The following GRID1 variants were observed in gnomAD, a reference collection of about 807,000 sequenced individuals.
GRID1 encodes the protein glutamate receptor ionotropic, delta-1.
In GRID1, 28 loss-of-function variants were observed where a neutral mutation model predicts 98.0. The observed-to-expected ratio is 0.29, with a 90% confidence interval of 0.21 to 0.39. The LOEUF (loss-of-function observed/expected upper bound fraction) is 0.39, where lower values mean the gene tolerates loss of function less well. GRID1 is among the 10% of genes least tolerant of loss of function. The pLI is 1.00. For missense variants in GRID1, 1,111 were observed against 1,340.5 expected, an observed-to-expected ratio of 0.83 and a Z score of 2.67; for synonymous variants, 553 against 538.5, an observed-to-expected ratio of 1.03 and a Z score of -0.37.
chr10:86,223,948 C>T (rs1313483960), intron 2 of GRID1, among the ~76,000 whole-genome samples: 2 of 151,900 alleles, frequency 1.3e-5, no homozygotes, highest in Non-Finnish European at 2.9e-5. Flanking sequence ...GATGATAGAC[C>T]AAGGACCAGC....
chr10:85,708,129 A>C (rs1379721661), intron 12 of GRID1, among the ~76,000 whole-genome samples: 3 of 113,556 alleles, frequency 2.6e-5, no homozygotes, highest in South Asian at 6.8e-4. Flanking sequence ...AAAAAAAAAA[A>C]AACACAAGAT....
chr10:86,022,904 C>A (rs1485659095), intron 4 of GRID1, among the ~76,000 whole-genome samples: 15 of 146,914 alleles, frequency 1.0e-4, no homozygotes, highest in African/African-American at 3.3e-4. Context: ...GGTGACAGAG[C>A]GAGACTCCAT....
intron 3 of GRID1, among the ~76,000 whole-genome samples, chr10:86,168,151 C>T (rs141725406): frequency 6.6e-6 from 1 of 152,246 alleles, no homozygotes. Context: ...ATGAGTGGAC[C>T]TCCATTCCCT....
At chr10:85,849,889 AC>A (rs980621672) in intron 8 of GRID1, among the ~76,000 whole-genome samples, 24 of 151,900 alleles carry the variant, frequency 1.6e-4, no homozygotes, top group African/African-American at 5.1e-4. Flanking sequence ...GTAAAGCTTG[AC>A]CCCCTGGACA....
At chr10:85,956,433 T>C (rs1229755644) in intron 4 of GRID1, among the ~76,000 whole-genome samples, 1 of 152,250 alleles carries the variant, frequency 6.6e-6, no homozygotes. Flanking sequence ...TTTATGAGGA[T>C]ATTTCCAACT....
chr10:86,066,452 C>A (rs1843721817), intron 4 of GRID1, among the ~76,000 whole-genome samples: 1 of 152,184 alleles, frequency 6.6e-6, no homozygotes, highest in South Asian at 2.1e-4. Flanking sequence ...CACTCATCCC[C>A]ATTTTCCAGA....
intron 4 of GRID1, among the ~76,000 whole-genome samples, chr10:85,922,943 C>T (rs1841725414): frequency 6.6e-6 from 1 of 152,102 alleles, no homozygotes. Flanking sequence ...AGCTGCTTCT[C>T]CTTGCCCCAG....
chr10:85,973,175 G>C (rs1048333321), intron 4 of GRID1, among the ~76,000 whole-genome samples: 1 of 152,006 alleles, frequency 6.6e-6, no homozygotes, highest in African/African-American at 2.4e-5. Context: ...ATTTGAATGA[G>C]GCAAGGTAAA....
intron 4 of GRID1, among the ~76,000 whole-genome samples, chr10:85,944,716 A>T (rs571331843): frequency 6.6e-6 from 1 of 152,348 alleles, no homozygotes; most frequent in African/African-American, 2.4e-5. Flanking sequence ...GAAAATGCTT[A>T]GTAAAATGTA....
intron 2 of GRID1, among the ~76,000 whole-genome samples, chr10:86,251,482 G>A (rs7904225): frequency 0.054 from 8,178 of 152,178 alleles, 341 homozygotes; most frequent in African/African-American, 0.12. Flanking sequence ...TCATGTCTGC[G>A]GGAGCTGGTC....
intron 12 of GRID1, among the ~76,000 whole-genome samples, chr10:85,699,364 G>A (rs1225872276): frequency 6.6e-6 from 1 of 152,098 alleles, no homozygotes; most frequent in African/African-American, 2.4e-5. Context: ...TAATTGTTGA[G>A]TTTTAAGAGT....
chr10:85,735,866 AAG>A, intron 8 of GRID1, among the ~76,000 whole-genome samples: 3 of 146,982 alleles, frequency 2.0e-5, no homozygotes, highest in Non-Finnish European at 4.5e-5. Flanking sequence ...GGAAGGAAGG[AAG>A]GAGAGAAGGA....
chr10:85,742,865 G>T (rs1373226238), intron 8 of GRID1, among the ~76,000 whole-genome samples: 1 of 152,130 alleles, frequency 6.6e-6, no homozygotes, highest in African/African-American at 2.4e-5. Context: ...GTTCTCTTGA[G>T]ATACTTGCTC....
chr10:86,348,419 G>A (rs148506809), intron 2 of GRID1, among the ~76,000 whole-genome samples: 115 of 152,348 alleles, frequency 7.5e-4, no homozygotes, highest in African/African-American at 2.6e-3. Context: ...GGGATGAGAC[G>A]GGGCTCTGCG....
chr10:86,217,849 C>T (rs745515900), intron 2 of GRID1, among the ~76,000 whole-genome samples: 6 of 152,048 alleles, frequency 3.9e-5, no homozygotes, highest in African/African-American at 1.2e-4. Context: ...TCTGAGGAAC[C>T]GGAGCCTGCA....
Position 85,602,588 on chromosome 10 carries a change from C to T in GRID1, c.2715G>A (p.Met905Ile). The change falls in exon 16 of 16, where the codon ATG becomes ATA. Residue 905 changes from methionine (M) to isoleucine (I), a missense_variant. Met to Ile is a conservative substitution (Grantham distance 10). This residue lies in a region of GRID1 where 762 missense variants were observed against 869.1 expected (regional missense o/e 0.88). Transcript: ENST00000327946. ...AGGTCTGGGTGGGAGCCAGGCCCCC[C>T]ATCTCCAGGGCCGAGAGCTCAATCG... The part of the protein sequence containing the change: ...PASIELSALE[M>I]GGLAPTQTLE... 1 of 1,613,980 alleles carries T rather than the reference C, an allele frequency of 6.2e-7. No homozygotes were observed. Among genetic ancestry groups the T allele is most frequent in the East Asian group, 2.2e-5 (1 of 44,850 alleles).
At chr10:85,630,719 A>G (rs1341370477) in intron 13 of GRID1, among the ~76,000 whole-genome samples, 3 of 152,214 alleles carry the variant, frequency 2.0e-5, no homozygotes, top group Non-Finnish European at 4.4e-5. Context: ...AGCTCACTGA[A>G]GAACTTATAA....
intron 3 of GRID1, among the ~76,000 whole-genome samples, chr10:86,152,076 C>G (rs1321808722): frequency 6.6e-6 from 1 of 152,284 alleles, no homozygotes; most frequent in African/African-American, 2.4e-5. Flanking sequence ...AGGGAGTGCA[C>G]GAGAAGGGGT....
intron 4 of GRID1, among the ~76,000 whole-genome samples, chr10:85,919,223 G>A (rs1269840800): frequency 6.6e-6 from 1 of 152,156 alleles, no homozygotes; most frequent in Non-Finnish European, 1.5e-5. Context: ...TGGGAGCCTT[G>A]GCCACCCTAA....
Sources: gnomAD v4.1 joint callset for allele counts (sites outside exome capture counted in the v4.1 genomes callset) on GRCh38, gnomAD v4.1.1 for gene constraint, gnomAD v4.1.1 regional missense constraint, MANE v1.5 for transcripts, NCBI Gene and HGNC (gene_info 2026-07-23, HGNC 2026-07-21) for gene names.